The following PARVA variants were observed in gnomAD, a reference collection of about 807,000 sequenced individuals.
PARVA encodes the protein alpha-parvin.
PARVA carries 25 observed loss-of-function variants against 52.6 expected under a neutral mutation model. That is an observed-to-expected ratio of 0.48 (90% CI 0.35 to 0.66). The LOEUF is 0.66. Ranked by LOEUF, PARVA falls within the 30% of genes least tolerant of loss-of-function variation. The pLI, the probability that PARVA is intolerant of heterozygous loss-of-function variation, is 0.01. For synonymous variants in PARVA, 185 were observed against 179.1 expected (o/e 1.03, Z -0.26); for missense variants, 373 against 450.9 (o/e 0.83, Z 1.56).
rs749018187 is a variant in PARVA at position 12,496,553 on chromosome 11, G to A, written c.496G>A (p.Glu166Lys). 1 of 1,611,994 alleles carries A rather than the reference G, an allele frequency of 6.2e-7. No homozygotes were observed. The highest frequency in any genetic ancestry group is 1.1e-5 in the South Asian group (1 of 90,218). The change falls in exon 5 of 13, where the codon GAA becomes AAA. Residue 166 changes from glutamate to lysine, a missense_variant. Physicochemically the swap from Glu to Lys is moderately conservative, Grantham distance 56 (BLOSUM62 1). Coordinates refer to ENST00000334956, the MANE Select transcript of PARVA (RefSeq NM_018222.5). ...GCAGACTGTCCTGGAGAAGATCAAT[G>A]AAACCCTGAAACTTCCTCCCAGGAG... is the stretch of plus-strand genomic sequence containing the variant. ...KLQTVLEKIN[E>K]TLKLPPRSIK...
intron 1 of PARVA, among the ~76,000 whole-genome samples, chr11:12,390,902 C>A (rs933712105): frequency 1.3e-5 from 2 of 152,024 alleles, no homozygotes; most frequent in African/African-American, 2.4e-5. Context: ...CATTTTAAAG[C>A]AGCTCTCAGG....
chr11:12,503,395 C>T (rs767494053), intron 5 of PARVA, among the ~76,000 whole-genome samples: 1 of 152,138 alleles, frequency 6.6e-6, no homozygotes, highest in Non-Finnish European at 1.5e-5. Context: ...GAGTGCAGAG[C>T]AGACATGCTT....
chr11:12,397,651 T>C (rs1388261109), intron 1 of PARVA, among the ~76,000 whole-genome samples: 1 of 152,136 alleles, frequency 6.6e-6, no homozygotes, highest in Admixed American at 6.5e-5. Context: ...TCTAATCTTA[T>C]TGGAAATACT....
rs553692756 is a variant in PARVA, at chr11:12,473,591, C to G, written c.137-154C>G. Among the ~76,000 whole-genome samples, 5 of 152,222 alleles carry G rather than the reference C, an allele frequency of 3.3e-5. No homozygotes were observed. The South Asian group carries it at 6.2e-4, about 19-fold the overall frequency. On this transcript the variant is annotated intron_variant, in intron 1 of 12. Coordinates refer to ENST00000334956, the MANE Select transcript of PARVA (RefSeq NM_018222.5). ...GGACAATTAGGTCCTTTCAGCCAGG[C>G]GAGGCCATGAATTGATCGTAGGCTG...
intron 1 of PARVA, among the ~76,000 whole-genome samples, chr11:12,467,830 G>C (rs1307299147): frequency 6.6e-6 from 1 of 152,148 alleles, no homozygotes; most frequent in African/African-American, 2.4e-5. Context: ...GATACAGTGG[G>C]CGTGGTTCAG....
intron 1 of PARVA, among the ~76,000 whole-genome samples, chr11:12,395,342 G>C (rs759111968): frequency 1.3e-5 from 2 of 152,200 alleles, no homozygotes; most frequent in Non-Finnish European, 2.9e-5. Context: ...GTTTACCGAA[G>C]AACAGCTTTA....
Position 12,508,640 on chromosome 11 carries a change from A to G in PARVA, c.714A>G (p.Thr238=). 1 of 1,602,446 alleles carries G rather than the reference A, an allele frequency of 6.2e-7. No homozygotes were observed. The highest frequency in any genetic ancestry group is 8.5e-7 in the Non-Finnish European group (1 of 1,172,206). The change falls in exon 7 of 13, where the codon ACA becomes ACG. Residue 238 remains threonine (T), a splice_region_variant and synonymous_variant. Transcript: ENST00000334956. The stretch of plus-strand genomic sequence containing the variant: ...TCCAAGAGGAAATAACTGGTAACAC[A>G]GAGTATGTCAACACCATTGTTGCCA... ...RQIQEEITGN[T]EALSGRHERD... is the part of the protein sequence containing the mutation.
intron 4 of PARVA, among the ~76,000 whole-genome samples, chr11:12,490,710 TAAATG>T (rs1941225215): frequency 6.6e-6 from 1 of 152,208 alleles, no homozygotes; most frequent in African/African-American, 2.4e-5. Flanking sequence ...AAGCCATAAT[TAAATG>T]AATATAAAAT....
intron 3 of PARVA, among the ~76,000 whole-genome samples, chr11:12,475,154 G>T (rs1940992390): frequency 6.6e-6 from 1 of 152,164 alleles, no homozygotes; most frequent in South Asian, 2.1e-4. Flanking sequence ...ACACAAGGAT[G>T]CCAGAACTGC....
chr11:12,465,095 C>T (rs1281688974), intron 1 of PARVA, among the ~76,000 whole-genome samples: 2 of 152,190 alleles, frequency 1.3e-5, no homozygotes, highest in Non-Finnish European at 2.9e-5. Flanking sequence ...CTGCTCAGCT[C>T]CTGCTGTACA....
chr11:12,511,049 A>G (rs1469056489), intron 7 of PARVA, among the ~76,000 whole-genome samples: 1 of 152,126 alleles, frequency 6.6e-6, no homozygotes, highest in Non-Finnish European at 1.5e-5. Flanking sequence ...TGGGTACTAC[A>G]GGGTGGACAG....
rs971233889 is a variant in PARVA at position 12,421,685 on chromosome 11, T to C, written c.136+43902T>C. Among the ~76,000 whole-genome samples, 4 of 152,172 alleles carry C rather than the reference T, an allele frequency of 2.6e-5. No individual in the cohort carries two copies. The East Asian group carries it at 5.8e-4, about 22-fold the overall frequency. On this transcript the variant is annotated intron_variant, in intron 1 of 12. Transcript: ENST00000334956. ...CACCAGCAATGCTCTAGTTGTAGTG[T>C]TTTTAGTTATTGATGTGTTTCAGGG...
intron 1 of PARVA, among the ~76,000 whole-genome samples, chr11:12,453,842 C>T (rs1195441111): frequency 6.6e-6 from 1 of 152,152 alleles, no homozygotes; most frequent in Non-Finnish European, 1.5e-5. Context: ...TCTAAGCAAC[C>T]TTCAGCCACA....
rs562455421 is a variant in PARVA at position 12,486,392 on chromosome 11, G to A, written c.400+8443G>A. Among the ~76,000 whole-genome samples the A allele has an allele frequency of 1.4e-4, 22 of 152,142 alleles. 1 individual carries two copies. The highest frequency in any genetic ancestry group is 1.4e-3 in the Admixed American group (21 of 15,284). On this transcript the variant is annotated intron_variant, in intron 4 of 12. Transcript: ENST00000334956. ...CTACTAAAAATACAAAATTAGCCAG[G>A]CATGGTGGCACATACCTGTAATCCC...
chr11:12,422,659 C>T (rs1330830104), intron 1 of PARVA, among the ~76,000 whole-genome samples: 2 of 152,206 alleles, frequency 1.3e-5, no homozygotes, highest in African/African-American at 4.8e-5. Context: ...GGGCTGCCAC[C>T]TGCTAGTGTC....
Position 12,511,376 on chromosome 11 carries a change from GCTC to G in PARVA, c.717-134_717-132del. 4 of 820,386 alleles carry G rather than the reference GCTC, an allele frequency of 4.9e-6. No individual in the cohort carries two copies. The East Asian group carries it at 1.1e-4, about 22-fold the overall frequency. 50.8% of individuals were successfully genotyped at this position (820,386 alleles called of 1,614,324 possible). ...ATGCCAATGGAAGGAGGCTTTTTGA[GCTC>G]CTCAACCAAGGGCAGGTGGGTGGCA... On this transcript the variant is annotated intron_variant, in intron 7 of 12. Transcript: ENST00000334956.
At position 12,526,554 on chromosome 11, in the gene PARVA, G is replaced by C. The variant is rs189071032; in HGVS notation, c.1043-1295G>C. Among the ~76,000 whole-genome samples the C allele has an allele frequency of 2.0e-3, 310 of 152,232 alleles. 1 individual carries two copies. Among genetic ancestry groups the C allele is most frequent in the African/African-American group, 7.2e-3 (298 of 41,536 alleles). On this transcript the variant is annotated intron_variant, in intron 12 of 12. Coordinates refer to ENST00000334956, the MANE Select transcript of PARVA (RefSeq NM_018222.5). ...TAGTGAACTTTTACCAAGCGAGCCA[G>C]CACGCAGCCACCACCCAGGACAAAG...
chr11:12,501,798 T>A (rs115755227), intron 5 of PARVA, among the ~76,000 whole-genome samples: 293 of 152,340 alleles, frequency 1.9e-3, no homozygotes, highest in African/African-American at 6.8e-3. Flanking sequence ...ATTCATTGAA[T>A]GAGTCTGACA....
At chr11:12,476,431 A>G (rs1328101068) in intron 3 of PARVA, among the ~76,000 whole-genome samples, 6 of 152,018 alleles carry the variant, frequency 3.9e-5, no homozygotes, top group African/African-American at 1.2e-4. Flanking sequence ...ATAGTGCACT[A>G]TGATTGCACC....
Sources: allele counts gnomAD v4.1 joint callset (sites outside exome capture counted in the v4.1 genomes callset), GRCh38; gene constraint gnomAD v4.1.1; transcripts MANE v1.5; gene names NCBI Gene and HGNC (gene_info 2026-07-23, HGNC 2026-07-21).